The following NIBAN1 variants were observed in gnomAD, a reference collection of about 807,000 sequenced individuals.
NIBAN1 encodes niban apoptosis regulator 1.
A neutral mutation model predicts 75.1 loss-of-function variants in NIBAN1; 81 were observed. That is an observed-to-expected ratio of 1.08 (90% confidence interval 0.90 to 1.30). The LOEUF is 1.30. Among genes scored for constraint, NIBAN1 ranks in the 50% most tolerant of loss-of-function variants. NIBAN1 has a pLI of 0.00. For synonymous variants in NIBAN1, 436 were observed against 424.8 expected (o/e 1.03, Z -0.32); for missense variants, 1,133 against 1,128.1 (o/e 1.00, Z -0.06).
chr1:184,972,481 T>C (rs1355158026), intron 1 of NIBAN1, among the ~76,000 whole-genome samples: 1 of 152,204 alleles, frequency 6.6e-6, no homozygotes, highest in African/African-American at 2.4e-5. Flanking sequence ...AAGACTAGCA[T>C]TCTCACATGA....
Position 184,808,059 on chromosome 1 carries a change from C to G in NIBAN1, c.1335+15G>C. On this transcript the variant is annotated intron_variant, in intron 10 of 13. Coordinates refer to ENST00000367511, the MANE Select transcript of NIBAN1 (RefSeq NM_052966.4). ...CTTTACCCTCATCCACCACGGATGC[C>G]CCTGCCACACCCACCTCCTGCATGT... 6.2e-7 allele frequency: 1 copy of G among 1,613,460 alleles called. No homozygotes were observed. The highest frequency in any genetic ancestry group is 8.5e-7 in the Non-Finnish European group (1 of 1,179,646).
chr1:184,879,938 C>G (rs909032117), intron 5 of NIBAN1, among the ~76,000 whole-genome samples: 1 of 152,198 alleles, frequency 6.6e-6, no homozygotes, highest in Non-Finnish European at 1.5e-5. Context: ...GTGGTCTTTT[C>G]ACCAAAATTC....
rs1055256437 is a variant in NIBAN1 at position 184,896,826 on chromosome 1, T to C, written c.186+2353A>G. On this transcript the variant is annotated intron_variant, in intron 2 of 13. Coordinates refer to ENST00000367511, the MANE Select transcript of NIBAN1 (RefSeq NM_052966.4). The stretch of plus-strand genomic sequence containing the variant: ...TCCTTTCTTCATTATTTATTTTTGT[T>C]GATTTTATCAAAGATCAGTTGGTTG... Among the ~76,000 whole-genome samples, 5 of 152,128 alleles carry C rather than the reference T, an allele frequency of 3.3e-5. No individual in the cohort carries two copies. The South Asian group carries it at 1.0e-3, about 32-fold the overall frequency.
At chr1:184,939,264 A>G (rs1002722079) in intron 1 of NIBAN1, among the ~76,000 whole-genome samples, 3 of 152,228 alleles carry the variant, frequency 2.0e-5, no homozygotes, top group African/African-American at 7.2e-5. Flanking sequence ...CTGAATTTAA[A>G]AGAGAGTGAC....
At chr1:184,838,587 C>G (rs1333975539) in intron 5 of NIBAN1, among the ~76,000 whole-genome samples, 1 of 152,220 alleles carries the variant, frequency 6.6e-6, no homozygotes, top group Non-Finnish European at 1.5e-5. Flanking sequence ...ATTTGGTAGA[C>G]ATGATTAAGG....
chr1:184,823,104 TG>T (rs1175762925), intron 8 of NIBAN1, 62 bp downstream of exon 8: 41 of 1,546,970 alleles, frequency 2.7e-5, no homozygotes, highest in Non-Finnish European at 1.6e-5. Context: ...ATTCCTGCTA[TG>T]TGGTGGATCC....
chr1:184,870,224 T>C (rs192870509), intron 5 of NIBAN1, among the ~76,000 whole-genome samples: 1 of 152,334 alleles, frequency 6.6e-6, no homozygotes, highest in Admixed American at 6.5e-5. Context: ...AAATGAGTAA[T>C]ATCTTCTGAT....
At chr1:184,844,748 A>G (rs761088927) in intron 5 of NIBAN1, among the ~76,000 whole-genome samples, 7 of 152,190 alleles carry the variant, frequency 4.6e-5, no homozygotes, top group Non-Finnish European at 1.0e-4. Context: ...CAGCTTCATT[A>G]TTCGTAACCT....
At chr1:184,839,886 C>G (rs970844742) in intron 5 of NIBAN1, among the ~76,000 whole-genome samples, 2 of 152,030 alleles carry the variant, frequency 1.3e-5, no homozygotes, top group Non-Finnish European at 2.9e-5. Context: ...TGTGAGCCAC[C>G]GAGCCTGGCC....
intron 1 of NIBAN1, among the ~76,000 whole-genome samples, chr1:184,918,900 C>G (rs542755207): frequency 4.6e-5 from 7 of 152,266 alleles, no homozygotes; most frequent in East Asian, 1.9e-4. Flanking sequence ...TTTTCCCTGT[C>G]CACCCTCCCA....
intron 9 of NIBAN1, among the ~76,000 whole-genome samples, chr1:184,816,798 T>A (rs1165775810): frequency 6.6e-6 from 1 of 151,518 alleles, no homozygotes; most frequent in Non-Finnish European, 1.5e-5. Context: ...ATAGTGCTAG[T>A]AACATCAATG....
Position 184,845,632 on chromosome 1 carries a change from G to T in NIBAN1, c.602-13670C>A, listed in dbSNP as rs1442887991. Among the ~76,000 whole-genome samples, 2 of 28,084 alleles carry T rather than the reference G, an allele frequency of 7.1e-5. 1 individual carries two copies. The highest frequency in any genetic ancestry group is 4.4e-4 in the African/African-American group (2 of 4,550). The allele number at this position is 28,084 out of a possible 152,430, so 18.4% of individuals were successfully genotyped here. A position where few individuals can be genotyped will look rare whatever the true frequency, so the allele number is the denominator to read the frequency against. ...AAGGGAATGTGGAGCCAAGATGGCCGAATAGGAACAGCTCCGGTCTACAGA... is the reference window on the plus strand; with the variant it reads ...AAGGGAATGTGGAGCCAAGATGGCCTAATAGGAACAGCTCCGGTCTACAGA... On this transcript the variant is annotated intron_variant, in intron 5 of 13. Coordinates refer to ENST00000367511, the MANE Select transcript of NIBAN1 (RefSeq NM_052966.4).
intron 8 of NIBAN1, among the ~76,000 whole-genome samples, chr1:184,820,245 C>A (rs1654657348): frequency 6.6e-6 from 1 of 151,982 alleles, no homozygotes; most frequent in Non-Finnish European, 1.5e-5. Flanking sequence ...AATTTCAGAA[C>A]AATGCTGAAC....
intron 1 of NIBAN1, among the ~76,000 whole-genome samples, chr1:184,946,899 C>A (rs959118756): frequency 2.0e-5 from 3 of 151,944 alleles, no homozygotes; most frequent in African/African-American, 7.3e-5. Flanking sequence ...CATGGAGAAA[C>A]CTTGTCTCTA....
intron 1 of NIBAN1, among the ~76,000 whole-genome samples, chr1:184,925,699 A>C (rs986901378): frequency 1.3e-5 from 2 of 152,030 alleles, no homozygotes; most frequent in African/African-American, 4.8e-5. Context: ...AAAACAAAAA[A>C]AAACTCTATA....
chr1:184,835,815 C>T lies in NIBAN1; in HGVS notation c.602-3853G>A, dbSNP rs1571505130. Among the ~76,000 whole-genome samples, 6 of 152,328 alleles carry T rather than the reference C, an allele frequency of 3.9e-5. 1 individual carries two copies. In the South Asian group the frequency reaches 1.2e-3, roughly 32 times the overall value. ...CAGGGACAATTTGACTTCCTCTTTT[C>T]CTAATTGAATACCTTTTATTTCTTT... is the stretch of plus-strand genomic sequence containing the variant. On this transcript the variant is annotated intron_variant, in intron 5 of 13. Transcript: ENST00000367511.
chr1:184,826,319 A>G (rs951529125), intron 6 of NIBAN1, among the ~76,000 whole-genome samples: 43 of 152,176 alleles, frequency 2.8e-4, no homozygotes, highest in African/African-American at 9.7e-4. Context: ...GAGATGAATC[A>G]CCATTTTCTG....
In NIBAN1 at chr1:184,894,108, A is replaced by AT. The variant is rs775882405; in HGVS notation, c.284dup (p.Asn95LysfsTer2). 16 of 1,612,212 alleles carry AT rather than the reference A, an allele frequency of 9.9e-6. No homozygotes were observed. Among genetic ancestry groups the AT allele is most frequent in the Non-Finnish European group, 5.9e-6 (7 of 1,179,284 alleles). Reference sequence around the variant, plus strand: ...TCTCATAGCTCTCCACAGCATAATCATTTTTAACTACAACGTATCTCTCCT... The same window carrying AT: ...TCTCATAGCTCTCCACAGCATAATCATTTTTTAACTACAACGTATCTCTCCT... On this transcript the variant is annotated frameshift_variant, in exon 3 of 14. Transcript: ENST00000367511. LOFTEE classifies it high-confidence loss of function.
rs542697832 is a variant in NIBAN1, at chr1:184,834,258, T to C, written c.602-2296A>G. 4.6e-4 allele frequency among the ~76,000 whole-genome samples: 70 copies of C among 152,346 alleles called. No homozygotes were observed. In the South Asian group the frequency reaches 6.8e-3, roughly 15 times the overall value. On this transcript the variant is annotated intron_variant, in intron 5 of 13. Transcript: ENST00000367511. ...CACATTTTCTTAATCCAGTCTATCA[T>C]TGGTGGACATTTGGGTGGGTTCCAA... is the stretch of plus-strand genomic sequence containing the variant.
Sources: gnomAD v4.1 joint callset for allele counts (sites outside exome capture counted in the v4.1 genomes callset) on GRCh38, gnomAD v4.1.1 for gene constraint, MANE v1.5 for transcripts, NCBI Gene and HGNC (gene_info 2026-07-23, HGNC 2026-07-21) for gene names.